The following GNG4 variants were observed in gnomAD, a reference collection of about 807,000 sequenced individuals.
The protein encoded by GNG4 is G protein subunit gamma 4.
A neutral mutation model predicts 5.8 loss-of-function variants in GNG4; 4 were observed. The ratio of observed to expected loss-of-function variants is 0.69; its 90% CI spans 0.34 to 1.57. GNG4 has a LOEUF of 1.57. Ranked by LOEUF, GNG4 falls within the 40% of genes most tolerant of loss-of-function variation. The probability of loss-of-function intolerance (pLI) is 0.06; values close to 1 mark genes in which losing one functional copy is unlikely to be tolerated. For missense variants in GNG4, 96 were observed against 95.1 expected (o/e 1.01, Z -0.04); for synonymous variants, 29 against 32.9 (o/e 0.88, Z 0.41).
chr1:235,571,382 T>C (rs1417333214), intron 3 of GNG4, among the ~76,000 whole-genome samples: 2 of 152,230 alleles, frequency 1.3e-5, no homozygotes, highest in Non-Finnish European at 2.9e-5. Flanking sequence ...CTCAGTTTCC[T>C]CCTTCATATA....
At chr1:235,587,464 G>T (rs1687814760) in intron 2 of GNG4, among the ~76,000 whole-genome samples, 2 of 28,750 alleles carry the variant, frequency 7.0e-5, no homozygotes, top group Admixed American at 3.1e-4. Flanking sequence ...GTACAGGGTG[G>T]GGGGTGAGTG....
At chr1:235,621,267 CTTTTT>C (rs949265923) in intron 1 of GNG4, among the ~76,000 whole-genome samples, 4 of 145,868 alleles carry the variant, frequency 2.7e-5, no homozygotes, top group Non-Finnish European at 6.0e-5. Flanking sequence ...TTTTTCTTTC[CTTTTT>C]TTCTTTTTCT....
intron 1 of GNG4, among the ~76,000 whole-genome samples, chr1:235,634,963 A>G (rs199566827): frequency 2.0e-5 from 3 of 150,880 alleles, no homozygotes; most frequent in African/African-American, 7.4e-5. Flanking sequence ...CAAAAAAAAG[A>G]AATACTTCCT....
Position 235,642,938 on chromosome 1 carries a change from C to T in GNG4, c.-123+6724G>A, listed in dbSNP as rs761386536. On this transcript the variant is annotated intron_variant, in intron 1 of 3. Transcript: ENST00000391854. This position sits in a 1 kb window ranked among gnomAD's most constrained non-coding sequence, Gnocchi z 4.3. ...CACAAAACCAGGTCACATTACCCCTCGTCCATCCATGCTCAGTCTGGAAAC... is the reference window on the plus strand; with the variant it reads ...CACAAAACCAGGTCACATTACCCCTTGTCCATCCATGCTCAGTCTGGAAAC... 2.6e-5 allele frequency among the ~76,000 whole-genome samples: 4 copies of T among 152,140 alleles called. No homozygotes were observed. The highest frequency in any genetic ancestry group is 4.4e-5 in the Non-Finnish European group (3 of 68,010).
chr1:235,565,705 A>C (rs894489932), intron 3 of GNG4: 1 of 152,172 alleles, frequency 6.6e-6, no homozygotes, highest in Non-Finnish European at 1.5e-5. Context: ...GTCTCTATTA[A>C]ATTTTTTTTC....
chr1:235,582,265 T>C (rs948528917), intron 3 of GNG4, among the ~76,000 whole-genome samples: 4 of 152,244 alleles, frequency 2.6e-5, no homozygotes, highest in Non-Finnish European at 4.4e-5. Flanking sequence ...TGTCACCTCA[T>C]GGCTGTGGCT....
chr1:235,570,945 C>CACACACACACAT (rs535079462), intron 3 of GNG4, among the ~76,000 whole-genome samples: 38 of 115,636 alleles, frequency 3.3e-4, no homozygotes, highest in East Asian at 8.6e-4. Context: ...CACACACACA[C>CACACACACACAT]ATATATATAT....
intron 3 of GNG4, among the ~76,000 whole-genome samples, chr1:235,575,140 T>C (rs146979527): frequency 6.6e-6 from 1 of 152,274 alleles, no homozygotes; most frequent in East Asian, 1.9e-4. Flanking sequence ...CTCTTTTCTT[T>C]GATGTCAGTA....
rs1657571075 is a variant in GNG4, at chr1:235,648,511, C to T, written c.-123+1151G>A. On this transcript the variant is annotated intron_variant, in intron 1 of 3. Transcript: ENST00000391854. This position sits in a 1 kb window ranked among gnomAD's most constrained non-coding sequence, Gnocchi z 5.0. ...CAGATGGCGGCTGGTTCCCCTCCCCCGCCTCATACAAAAATCAGGAAAAGG... is the reference window on the plus strand; with the variant it reads ...CAGATGGCGGCTGGTTCCCCTCCCCTGCCTCATACAAAAATCAGGAAAAGG... 6.6e-6 allele frequency among the ~76,000 whole-genome samples: 1 copy of T among 152,214 alleles called. No homozygotes were observed. The highest frequency in any genetic ancestry group is 1.5e-5 in the Non-Finnish European group (1 of 68,038).
intron 2 of GNG4, among the ~76,000 whole-genome samples, chr1:235,593,461 C>T (rs881068): frequency 0.37 from 56,028 of 152,034 alleles, 11,164 homozygotes; most frequent in East Asian, 0.79. Context: ...GAGCACTTGA[C>T]AAGTATCTGT....
chr1:235,579,408 A>AT (rs1687567262), intron 3 of GNG4, among the ~76,000 whole-genome samples: 1 of 63,090 alleles, frequency 1.6e-5, no homozygotes, highest in Non-Finnish European at 2.5e-5. Context: ...AAATACATTA[A>AT]TAAAAAAAAA....
intron 1 of GNG4, among the ~76,000 whole-genome samples, chr1:235,628,835 G>A (rs1369573173): frequency 3.9e-5 from 6 of 152,054 alleles, no homozygotes; most frequent in Non-Finnish European, 1.5e-5. Context: ...TCTCTGTATG[G>A]CTTCTCTCAG....
At chr1:235,599,587 G>T (rs373351718) in intron 1 of GNG4, among the ~76,000 whole-genome samples, 1 of 151,998 alleles carries the variant, frequency 6.6e-6, no homozygotes, top group Admixed American at 6.6e-5. Flanking sequence ...AAGTGCTGGG[G>T]TTACATGTGT....
chr1:235,627,027 C>CT (rs1486444601), intron 1 of GNG4, among the ~76,000 whole-genome samples: 1 of 132,360 alleles, frequency 7.6e-6, no homozygotes, highest in Non-Finnish European at 1.6e-5. Flanking sequence ...TAGAGACTGT[C>CT]TTTGGGACTG....
intron 1 of GNG4, among the ~76,000 whole-genome samples, chr1:235,599,892 C>A (rs2102960432): frequency 6.6e-6 from 1 of 152,268 alleles, no homozygotes. Flanking sequence ...AAGACACTAT[C>A]AATTTCTCCT....
intron 1 of GNG4, among the ~76,000 whole-genome samples, chr1:235,600,239 C>T (rs1035777997): frequency 1.3e-5 from 2 of 150,324 alleles, no homozygotes; most frequent in Non-Finnish European, 3.0e-5. Context: ...CTCAGTCACT[C>T]GAGTAGCTGG....
At chr1:235,594,904 C>T (rs1016288814) in intron 2 of GNG4, among the ~76,000 whole-genome samples, 6 of 152,228 alleles carry the variant, frequency 3.9e-5, no homozygotes, top group African/African-American at 1.2e-4. Context: ...GCGCCGAGAG[C>T]GAGCAAGGGC....
chr1:235,630,706 G>A (rs971827399), intron 1 of GNG4, among the ~76,000 whole-genome samples: 1 of 152,156 alleles, frequency 6.6e-6, no homozygotes, highest in Admixed American at 6.5e-5. Context: ...TAGACTTGAG[G>A]GACACGGGCT....
rs1657600916 is a variant in GNG4, at chr1:235,649,419, G to A, written c.-123+243C>T. On this transcript the variant is annotated intron_variant, in intron 1 of 3. Transcript: ENST00000391854. The surrounding 1 kb of genome is among the most constrained non-coding windows in gnomAD (Gnocchi z 5.7). Reference sequence around the variant, plus strand: ...AAGCCCCTGGACGCGCTCCGAGGGGGCTGTCCACACCCGCGCGCGGGCTTC... The same window carrying A: ...AAGCCCCTGGACGCGCTCCGAGGGGACTGTCCACACCCGCGCGCGGGCTTC... Among the ~76,000 whole-genome samples, 1 of 152,152 alleles carries A rather than the reference G, an allele frequency of 6.6e-6. No individual in the cohort carries two copies. Among genetic ancestry groups the A allele is most frequent in the South Asian group, 2.1e-4 (1 of 4,830 alleles).
Sources: allele counts gnomAD v4.1 joint callset (sites outside exome capture counted in the v4.1 genomes callset), GRCh38; gene constraint gnomAD v4.1.1; non-coding constraint Gnocchi (gnomAD v3.1); transcripts MANE v1.5; gene names NCBI Gene and HGNC (gene_info 2026-07-23, HGNC 2026-07-21).